The following CSMD1 variants were observed in gnomAD, a reference collection of about 807,000 sequenced individuals.
CSMD1 encodes CUB and Sushi multiple domains 1.
Under a neutral mutation model 417.5 loss-of-function variants are expected in CSMD1, and 213 were observed. That is an observed-to-expected ratio of 0.51 (90% confidence interval 0.46 to 0.57). The LOEUF is 0.57. Ranked by LOEUF, CSMD1 falls within the 20% of genes least tolerant of loss-of-function variation. The probability of loss-of-function intolerance (pLI) is 0.00; values close to 1 mark genes in which losing one functional copy is unlikely to be tolerated. For synonymous variants in CSMD1, 2,862 were observed against 1,736.8 expected, an observed-to-expected ratio of 1.65 and a Z score of -16.11; for missense variants, 6,923 against 4,529.7, an observed-to-expected ratio of 1.53 and a Z score of -15.17.
At chr8:3,930,380 A>T (rs1166399541) in intron 5 of CSMD1, among the ~76,000 whole-genome samples, 1 of 150,662 alleles carries the variant, frequency 6.6e-6, no homozygotes, top group East Asian at 1.9e-4. Flanking sequence ...CTTAGCTCAC[A>T]CAACTTAGCC....
intron 10 of CSMD1, among the ~76,000 whole-genome samples, chr8:3,551,820 C>A (rs148884965): frequency 1.3e-5 from 2 of 152,138 alleles, no homozygotes; most frequent in South Asian, 2.1e-4. Flanking sequence ...GCAGTACCTG[C>A]ATCAGTCTAG....
At chr8:4,521,681 C>T (rs542387446) in intron 2 of CSMD1, among the ~76,000 whole-genome samples, 6 of 152,260 alleles carry the variant, frequency 3.9e-5, no homozygotes, top group African/African-American at 1.4e-4. Context: ...GAAAAGTTGC[C>T]TATTTTATTG....
intron 23 of CSMD1, 88 bp from the exon 24 acceptor site, chr8:3,308,591 G>T: frequency 2.9e-6 from 3 of 1,031,900 alleles, no homozygotes; most frequent in Non-Finnish European, 4.3e-6. Context: ...GTTGCTAAAT[G>T]CTCCTTGAAG....
chr8:3,433,681 T>G (rs1037726057), intron 12 of CSMD1, among the ~76,000 whole-genome samples: 2 of 152,190 alleles, frequency 1.3e-5, no homozygotes, highest in Non-Finnish European at 2.9e-5. Context: ...TCTCTCTTAG[T>G]GGAAAGTGAC....
chr8:4,532,974 A>G (rs1322639533), intron 2 of CSMD1, among the ~76,000 whole-genome samples: 5 of 151,750 alleles, frequency 3.3e-5, no homozygotes, highest in Admixed American at 1.3e-4. Context: ...ACCGTCATTC[A>G]CAGTCACTCT....
At chr8:3,180,996 C>T in intron 37 of CSMD1, 114 bp downstream of exon 37, 1 of 710,750 alleles carries the variant, frequency 1.4e-6, no homozygotes, top group Non-Finnish European at 2.4e-6. Flanking sequence ...GCAAGTCTTT[C>T]ACAGTTTTAG....
At chr8:4,294,186 C>T (rs1471494334) in intron 3 of CSMD1, among the ~76,000 whole-genome samples, 6 of 152,194 alleles carry the variant, frequency 3.9e-5, no homozygotes, top group Non-Finnish European at 7.3e-5. Context: ...GCAGCAACTA[C>T]ACCCCAATTT....
At chr8:4,311,682 C>T (rs1423469418) in intron 3 of CSMD1, among the ~76,000 whole-genome samples, 1 of 148,078 alleles carries the variant, frequency 6.8e-6, no homozygotes, top group African/African-American at 2.5e-5. Context: ...GAGATTGTGC[C>T]ACAGCACTCC....
chr8:3,467,508 T>C (rs1211064491), intron 12 of CSMD1, among the ~76,000 whole-genome samples: 2 of 152,178 alleles, frequency 1.3e-5, no homozygotes, highest in South Asian at 4.1e-4. Context: ...TGCATTCTAG[T>C]TTTAGTCATT....
chr8:3,487,845 G>C (rs1357269384), intron 11 of CSMD1, among the ~76,000 whole-genome samples: 1 of 152,062 alleles, frequency 6.6e-6, no homozygotes, highest in African/African-American at 2.4e-5. Flanking sequence ...TCAAGGCATT[G>C]CTGAAACCTC....
At chr8:4,108,981 G>T (rs951663080) in intron 3 of CSMD1, among the ~76,000 whole-genome samples, 1 of 152,082 alleles carries the variant, frequency 6.6e-6, no homozygotes, top group Non-Finnish European at 1.5e-5. Context: ...CAGTTTTTCC[G>T]AATTATCTGG....
At chr8:3,034,761 T>C (rs529825994) in intron 50 of CSMD1, among the ~76,000 whole-genome samples, 4 of 152,252 alleles carry the variant, frequency 2.6e-5, no homozygotes, top group African/African-American at 4.8e-5. Context: ...AAAAATATAG[T>C]CTATAGGGAC....
intron 3 of CSMD1, among the ~76,000 whole-genome samples, chr8:4,247,331 C>G (rs73498575): frequency 0.096 from 14,569 of 152,104 alleles, 1,005 homozygotes; most frequent in East Asian, 0.36. Flanking sequence ...CCTGTCATAC[C>G]ACATAGAGTG....
chr8:3,329,409 A>G (rs1463440362), intron 23 of CSMD1, among the ~76,000 whole-genome samples: 1 of 152,060 alleles, frequency 6.6e-6, no homozygotes, highest in Non-Finnish European at 1.5e-5. Flanking sequence ...AGACCCTTCA[A>G]GCAGATGGAG....
At chr8:3,957,913 G>A (rs1812074287) in intron 5 of CSMD1, among the ~76,000 whole-genome samples, 1 of 152,106 alleles carries the variant, frequency 6.6e-6, no homozygotes, top group African/African-American at 2.4e-5. Context: ...TTGTTTGGCT[G>A]GTGATCTACT....
At chr8:4,463,748 G>C (rs1014433671) in intron 2 of CSMD1, among the ~76,000 whole-genome samples, 2 of 152,178 alleles carry the variant, frequency 1.3e-5, no homozygotes, top group Admixed American at 6.5e-5. Context: ...CCGTGGGGCT[G>C]AGGGAAAATA....
At chr8:3,974,634 G>C (rs1644070505) in intron 5 of CSMD1, among the ~76,000 whole-genome samples, 1 of 151,332 alleles carries the variant, frequency 6.6e-6, no homozygotes, top group Non-Finnish European at 1.5e-5. Context: ...ATTATTAGAT[G>C]AAAGAACTGT....
intron 4 of CSMD1, among the ~76,000 whole-genome samples, chr8:4,007,491 C>T (rs1031806868): frequency 1.3e-5 from 2 of 152,090 alleles, no homozygotes; most frequent in African/African-American, 4.8e-5. Context: ...CTTTCCTGCC[C>T]GCCCTCTCTG....
intron 4 of CSMD1, among the ~76,000 whole-genome samples, chr8:4,030,620 C>T (rs988660336): frequency 3.9e-5 from 6 of 152,168 alleles, no homozygotes; most frequent in African/African-American, 1.4e-4. Flanking sequence ...GCTGTGAAGA[C>T]CTCTGACATG....
Sources: gnomAD v4.1 joint callset for allele counts (sites outside exome capture counted in the v4.1 genomes callset) on GRCh38, gnomAD v4.1.1 for gene constraint, MANE v1.5 for transcripts, NCBI Gene and HGNC (gene_info 2026-07-23, HGNC 2026-07-21) for gene names.